Variants in GAS2L2 observed in about 807,000 individuals in gnomAD.
GAS2L2 encodes the protein growth arrest specific 2 like 2.
A neutral mutation model predicts 35.2 loss-of-function variants in GAS2L2; 21 were observed. That is an observed-to-expected ratio of 0.60 (90% CI 0.42 to 0.86). The LOEUF (loss-of-function observed/expected upper bound fraction) is 0.86. Ranked by LOEUF, GAS2L2 falls within the 40% of genes least tolerant of loss-of-function variation. GAS2L2 has a pLI of 0.00. For synonymous variants in GAS2L2, 490 were observed against 473.2 expected (o/e 1.04, Z -0.46); for missense variants, 1,169 against 1,144.4 (o/e 1.02, Z -0.31).
chr17:35,752,895 A>C lies in GAS2L2; in HGVS notation c.-45T>G, dbSNP rs1555600000. On this transcript the variant is annotated 5_prime_UTR_variant, in exon 1 of 6. Transcript: ENST00000604641. ...AGGAGGTGGGCACCTCCCCTCTCCC[A>C]CTGCCGCCTCTTTCCTCCCGCTGCT... is the stretch of plus-strand genomic sequence containing the variant. 7 of 1,523,680 alleles carry C rather than the reference A, an allele frequency of 4.6e-6. No homozygotes were observed. The highest frequency in any genetic ancestry group is 6.2e-6 in the Non-Finnish European group (7 of 1,136,112). The allele number at this position is 1,523,680 out of a possible 1,614,324, so 94.4% of individuals were successfully genotyped here. A position where few individuals can be genotyped will look rare whatever the true frequency, so the allele number is the denominator to read the frequency against.
At position 35,749,179 on chromosome 17, in the gene GAS2L2, C is replaced by G; in HGVS notation, c.666G>C (p.Gln222His). The G allele has an allele frequency of 6.2e-7, 1 of 1,614,012 alleles. No individual in the cohort carries two copies. Among genetic ancestry groups the G allele is most frequent in the South Asian group, 1.1e-5 (1 of 91,074 alleles). ...CCTCAGACACTTTGACCATGGAGAA[C>G]TGCACTGGGCACGTGCAGTGGCTCA... ...SLVSHCTCPV[Q>H]FSMVKVSEGK... The change falls in exon 3 of 6, where the codon CAG becomes CAC. Residue 222 changes from glutamine (Q) to histidine (H), a missense_variant. By Grantham distance (24) the Gln-to-His change is conservative. Around this residue, in one of 3 missense-constraint regions of GAS2L2, gnomAD observed 1,035 missense variants for 976.5 expected, o/e 1.06. Transcript: ENST00000604641.
Position 35,745,826 on chromosome 17 carries a change from C to A in GAS2L2, c.1671G>T (p.Val557=). 1 of 1,613,886 alleles carries A rather than the reference C, an allele frequency of 6.2e-7. No homozygotes were observed. Among genetic ancestry groups the A allele is most frequent in the Non-Finnish European group, 8.5e-7 (1 of 1,180,030 alleles). The change falls in exon 6 of 6, where the codon GTG becomes GTT. Residue 557 remains valine, a synonymous_variant. Transcript: ENST00000604641. ...TGTCCAGCTGCTGGTCCTCCTGCCTCACTTCCACAGAGCAGTCCCCATGCG... is the reference window on the plus strand; with the variant it reads ...TGTCCAGCTGCTGGTCCTCCTGCCTAACTTCCACAGAGCAGTCCCCATGCG... ...GSTHGDCSVE[V]RQEDQQLDIQ... is the part of the protein sequence containing the mutation.
chr17:35,749,647 A>T (rs1284574657), intron 2 of GAS2L2, among the ~76,000 whole-genome samples: 1 of 152,224 alleles, frequency 6.6e-6, no homozygotes, highest in Admixed American at 6.5e-5. Context: ...TGATTACAGC[A>T]TTCATAGAAG....
rs1598395993 is a variant in GAS2L2, at chr17:35,749,944, C to G, written c.627+133G>C. On this transcript the variant is annotated intron_variant, in intron 2 of 5. Transcript: ENST00000604641. ...AGTGGAACCGTGCCTTAAAGCCACA[C>G]AGTGAATTCGGGTCAGGGTGGACAA... 10 of 796,948 alleles carry G rather than the reference C, an allele frequency of 1.3e-5. No homozygotes were observed. The East Asian group carries it at 2.8e-4, about 22-fold the overall frequency. The allele number at this position is 796,948 out of a possible 1,614,324, so 49.4% of individuals were successfully genotyped here.
At position 35,745,690 on chromosome 17, in the gene GAS2L2, T is replaced by C. The variant is rs2085661312; in HGVS notation, c.1807A>G (p.Ser603Gly). ...GGNKEQAIYC[S>G]LEEEILGNMK... Reference sequence around the variant, plus strand: ...TTGCCCAAAATCTCCTCTTCAAGGCTACAGTAGATGGCTTGCTCCTTGTTC... The same window carrying C: ...TTGCCCAAAATCTCCTCTTCAAGGCCACAGTAGATGGCTTGCTCCTTGTTC... The change falls in exon 6 of 6, where the codon AGC (serine) becomes GGC (glycine). Residue 603 changes from serine to glycine, a missense_variant. Transcript: ENST00000604641. 5.6e-6 allele frequency: 9 copies of C among 1,613,878 alleles called. No homozygotes were observed. The highest frequency in any genetic ancestry group is 7.6e-6 in the Non-Finnish European group (9 of 1,180,050).
chr17:35,751,328 C>T (rs1389376780), intron 1 of GAS2L2, among the ~76,000 whole-genome samples: 1 of 152,094 alleles, frequency 6.6e-6, no homozygotes, highest in Non-Finnish European at 1.5e-5. Flanking sequence ...CCCCTGTCAT[C>T]CCCCCTGCTT....
In GAS2L2 at chr17:35,745,155, C is replaced by A. The variant is rs144720767; in HGVS notation, c.2342G>T (p.Arg781Leu). 1 of 1,612,810 alleles carries A rather than the reference C, an allele frequency of 6.2e-7. No homozygotes were observed. Among genetic ancestry groups the A allele is most frequent in the Non-Finnish European group, 8.5e-7 (1 of 1,179,056 alleles). ...IYKLKLRPRI[R>L]PRRDHRPEKQ... ...CTCAGGCCTGTGGTCTCTCCGGGGC[C>A]GAATCCTGGGTCTCAGCTTCAGCTT... The change falls in exon 6 of 6, where the codon CGG becomes CTG. Residue 781 changes from arginine to leucine, a missense_variant. By Grantham distance (102) the Arg-to-Leu change is moderately radical. Coordinates refer to ENST00000604641, the MANE Select transcript of GAS2L2 (RefSeq NM_139285.4).
chr17:35,748,288 G>C (rs2085682214), intron 3 of GAS2L2, among the ~76,000 whole-genome samples: 1 of 152,222 alleles, frequency 6.6e-6, no homozygotes, highest in Admixed American at 6.5e-5. Context: ...TTGCCCCTGT[G>C]GCCTGTGTGG....
At chr17:35,747,816 A>C (rs782372216) in intron 4 of GAS2L2, 33 bp downstream of exon 4, 24 of 1,577,724 alleles carry the variant, frequency 1.5e-5, no homozygotes, top group South Asian at 1.1e-5. Context: ...TCTTCAACCA[A>C]CCCCACAGGG....
chr17:35,746,013 G>A lies in GAS2L2; in HGVS notation c.1484C>T (p.Thr495Ile). ...GATCTTGGTTAGGCCTTGGACAGGG[G>A]TTGGAGAACGGACAGACTCTGGCTC... ...FREPESVRSP[T>I]PVQGLTKIPI... Residue 495 changes from threonine (T) to isoleucine (I), a missense_variant, in exon 6 of 6, where the codon ACC (threonine) becomes ATC (isoleucine). By Grantham distance (89) the Thr-to-Ile change is moderately conservative. Transcript: ENST00000604641. The A allele has an allele frequency of 3.8e-6, 6 of 1,565,238 alleles. No homozygotes were observed. In the South Asian group the frequency reaches 4.8e-5, roughly 13 times the overall value.
chr17:35,752,799 C>T lies in GAS2L2; in HGVS notation c.52G>A (p.Val18Met), dbSNP rs782272553. The part of the protein sequence containing the change: ...RRKPRTLGPP[V>M]CSIRPFKSSE... Reference sequence around the variant, plus strand: ...GACTTGAAAGGCCGGATACTGCACACAGGCGGCCCTAGGGTCCTGGGCTTC... The same window carrying T: ...GACTTGAAAGGCCGGATACTGCACATAGGCGGCCCTAGGGTCCTGGGCTTC... The change falls in exon 1 of 6, where the codon GTG becomes ATG. Residue 18 changes from valine to methionine, a missense_variant. This residue lies in a region of GAS2L2 where 127 missense variants were observed against 146.1 expected (regional missense o/e 0.87). Transcript: ENST00000604641. 9.3e-6 allele frequency: 15 copies of T among 1,613,162 alleles called. No homozygotes were observed. The highest frequency in any genetic ancestry group is 2.2e-5 in the South Asian group (2 of 91,088).
chr17:35,746,174 T>G lies in GAS2L2; in HGVS notation c.1323A>C (p.Arg441=), dbSNP rs782302554. 1 of 1,491,296 alleles carries G rather than the reference T, an allele frequency of 6.7e-7. No homozygotes were observed. The highest frequency in any genetic ancestry group is 2.3e-5 in the Admixed American group (1 of 43,398). The allele number at this position is 1,491,296 out of a possible 1,614,324, so 92.4% of individuals were successfully genotyped here. A position where few individuals can be genotyped will look rare whatever the true frequency, so the allele number is the denominator to read the frequency against. Reference sequence around the variant, plus strand: ...TCCCTTTGGTGGTGGCCTCAATGGCTCGGAGTCTTTGTGGGGTGGGGTTCC... The same window carrying G: ...TCCCTTTGGTGGTGGCCTCAATGGCGCGGAGTCTTTGTGGGGTGGGGTTCC... The part of the protein sequence containing the change: ...DAGNPTPQRL[R]AIEATTKGIS... Residue 441 remains arginine (R), a synonymous_variant, in exon 6 of 6, where the codon CGA becomes CGC. Coordinates refer to ENST00000604641, the MANE Select transcript of GAS2L2 (RefSeq NM_139285.4).
chr17:35,748,459 C>G (rs1427135834), intron 3 of GAS2L2, among the ~76,000 whole-genome samples: 2 of 152,264 alleles, frequency 1.3e-5, no homozygotes, highest in African/African-American at 4.8e-5. Context: ...AGAGCTGGCT[C>G]TGCTCCCAGG....
chr17:35,747,706 T>G (rs1211196984), intron 4 of GAS2L2, 143 bp downstream of exon 4: 1 of 664,532 alleles, frequency 1.5e-6, no homozygotes, highest in African/African-American at 1.8e-5. Context: ...CTGCCTGCCT[T>G]CCTCCAGCCT....
At chr17:35,748,220 A>G (rs1164626713) in intron 3 of GAS2L2, among the ~76,000 whole-genome samples, 1 of 152,164 alleles carries the variant, frequency 6.6e-6, no homozygotes, top group Non-Finnish European at 1.5e-5. Flanking sequence ...CTTTTGCTGT[A>G]AACGGTTTTG....
At position 35,744,997 on chromosome 17, in the gene GAS2L2, A is replaced by G. The variant is rs138478649; in HGVS notation, c.2500T>C (p.Ser834Pro). The G allele has an allele frequency of 6.2e-7, 1 of 1,613,836 alleles. No individual in the cohort carries two copies. The highest frequency in any genetic ancestry group is 1.3e-5 in the African/African-American group (1 of 74,870). Residue 834 changes from serine to proline, a missense_variant, in exon 6 of 6, where the codon TCA (serine) becomes CCA (proline). Around this residue, in one of 3 missense-constraint regions of GAS2L2, gnomAD observed 1,035 missense variants for 976.5 expected, o/e 1.06. Transcript: ENST00000604641. ...GGEASRVDGA[S>P]VGEEEEEGKE... Reference sequence around the variant, plus strand: ...CCTTCCTCCTCCTCCTCACCTACTGAAGCTCCATCCACCCGGGATGCCTCC... The same window carrying G: ...CCTTCCTCCTCCTCCTCACCTACTGGAGCTCCATCCACCCGGGATGCCTCC...
At position 35,749,222 on chromosome 17, in the gene GAS2L2, G is replaced by A. The variant is rs781836502; in HGVS notation, c.628-5C>T. 9.1e-5 allele frequency: 146 copies of A among 1,602,706 alleles called. 1 individual carries two copies. Among genetic ancestry groups the A allele is most frequent in the Non-Finnish European group, 1.1e-4 (130 of 1,171,518 alleles). ...GTGGCTCACAAGGCTCTGCACCTGC[G>A]GGCGGGTGGTGAACTCAGCCCTCTC... On this transcript the variant is annotated splice_polypyrimidine_tract_variant and splice_region_variant and intron_variant, in intron 2 of 5. Transcript: ENST00000604641.
chr17:35,752,028 CTA>C (rs1368028180), intron 1 of GAS2L2, among the ~76,000 whole-genome samples: 1 of 151,892 alleles, frequency 6.6e-6, no homozygotes, highest in East Asian at 1.9e-4. Context: ...CAGGGTTTTG[CTA>C]TGTTAGGCCG....
intron 1 of GAS2L2, 26 bp from the exon 2 acceptor site, chr17:35,750,344 G>C (rs1555599629): frequency 2.5e-6 from 4 of 1,613,684 alleles, no homozygotes; most frequent in Admixed American, 3.3e-5. Flanking sequence ...GGAGAAAAGG[G>C]CAGAGGCAGC....
Sources: gnomAD v4.1 joint callset for allele counts (sites outside exome capture counted in the v4.1 genomes callset) on GRCh38, gnomAD v4.1.1 for gene constraint, gnomAD v4.1.1 regional missense constraint, MANE v1.5 for transcripts, NCBI Gene and HGNC (gene_info 2026-07-23, HGNC 2026-07-21) for gene names.